CAPN5: variants seen among roughly 807,000 people sequenced by gnomAD.
CAPN5 encodes the protein calpain-5.
Under a neutral mutation model 73.0 loss-of-function variants are expected in CAPN5, and 54 were observed. The ratio of observed to expected loss-of-function variants is 0.74; its 90% confidence interval spans 0.59 to 0.93. The LOEUF is 0.93. Among genes scored for constraint, CAPN5 ranks in the 40% least tolerant of loss-of-function variants. The pLI, the probability that CAPN5 is intolerant of heterozygous loss-of-function variation, is 0.00. For missense variants in CAPN5, 785 were observed against 882.9 expected (o/e 0.89, Z 1.41); for synonymous variants, 335 against 356.9 (o/e 0.94, Z 0.69).
At chr11:77,091,914 C>A (rs1297832938) in intron 2 of CAPN5, among the ~76,000 whole-genome samples, 6 of 152,192 alleles carry the variant, frequency 3.9e-5, no homozygotes, top group Admixed American at 3.9e-4. Flanking sequence ...TACACTGATT[C>A]CTCCTCGCAA....
chr11:77,078,877 AGT>A (rs1555034248), intron 1 of CAPN5, among the ~76,000 whole-genome samples: 1 of 151,986 alleles, frequency 6.6e-6, no homozygotes, highest in African/African-American at 2.4e-5. Context: ...TCTTTTGAGT[AGT>A]GTGTTGTTAG....
In CAPN5 at chr11:77,119,103, G is replaced by A. The variant is rs368150644; in HGVS notation, c.1241G>A (p.Arg414His). Residue 414 changes from arginine (R) to histidine (H), a missense_variant, in exon 9 of 13, where the codon CGC (arginine) becomes CAC (histidine). Transcript: ENST00000648180. ...CIQQRPKRST[R>H]REGKGENLAI... ...CAGCAGCGGCCAAAGCGGTCTACGC[G>A]CCGGGAGGGCAAGGGTGAGAACCTG... 19 of 1,613,828 alleles carry A rather than the reference G, an allele frequency of 1.2e-5. No homozygotes were observed. Among genetic ancestry groups the A allele is most frequent in the South Asian group, 7.7e-5 (7 of 91,008 alleles).
chr11:77,084,958 G>A lies in CAPN5; in HGVS notation c.72G>A (p.Lys24=), dbSNP rs782682809. The A allele has an allele frequency of 1.9e-6, 3 of 1,613,774 alleles. No homozygotes were observed. The highest frequency in any genetic ancestry group is 1.7e-5 in the Admixed American group (1 of 60,026). ...TGAGGCGGGACTGCCGGCGCAGGAAGGTGCTCTTCGAGGACCCCCTCTTCC... is the reference window on the plus strand; with the variant it reads ...TGAGGCGGGACTGCCGGCGCAGGAAAGTGCTCTTCGAGGACCCCCTCTTCC... ...SALRRDCRRR[K]VLFEDPLFPA... The change falls in exon 2 of 13, where the codon AAG becomes AAA. Residue 24 remains lysine (K), a synonymous_variant. Transcript: ENST00000648180.
Position 77,118,116 on chromosome 11 carries a change from G to GTGTGGGGAGT in CAPN5, c.972-34_972-33insAGTTGTGGGG, listed in dbSNP as rs781903773. 7.0e-6 allele frequency: 11 copies of GTGTGGGGAGT among 1,566,850 alleles called. No homozygotes were observed. The Admixed American group carries it at 1.7e-4, about 25-fold the overall frequency. On this transcript the variant is annotated intron_variant, in intron 7 of 12. Transcript: ENST00000648180. ...GCTGGGGGGCCAAGAGCCTGGGGAG[G>GTGTGGGGAGT]TGTGGGGGAGGTACCCTGCTCAGCC...
intron 1 of CAPN5, among the ~76,000 whole-genome samples, chr11:77,070,217 T>G (rs1555032801): frequency 6.6e-6 from 1 of 152,180 alleles, no homozygotes; most frequent in East Asian, 1.9e-4. Context: ...GGGTGTGTGC[T>G]GTGGTTTTCT....
At chr11:77,109,317 A>C (rs1437532692) in intron 3 of CAPN5, among the ~76,000 whole-genome samples, 1 of 151,994 alleles carries the variant, frequency 6.6e-6, no homozygotes, top group Non-Finnish European at 1.5e-5. Flanking sequence ...TCCATCTACT[A>C]TTTGGTTACC....
intron 3 of CAPN5, among the ~76,000 whole-genome samples, chr11:77,107,937 G>T (rs1341531629): frequency 6.6e-6 from 1 of 152,198 alleles, no homozygotes; most frequent in African/African-American, 2.4e-5. Context: ...CCTCATGTGT[G>T]CACAGCTCTC....
chr11:77,094,715 T>C (rs1273768520), intron 3 of CAPN5, among the ~76,000 whole-genome samples: 1 of 152,172 alleles, frequency 6.6e-6, no homozygotes, highest in East Asian at 1.9e-4. Flanking sequence ...GGCCTCAGGT[T>C]ACTCATCAGC....
intron 1 of CAPN5, among the ~76,000 whole-genome samples, chr11:77,067,622 G>C (rs1339769616): frequency 2.9e-5 from 3 of 105,102 alleles, no homozygotes; most frequent in African/African-American, 8.4e-5. Flanking sequence ...TTGACTGCAG[G>C]GCGGGCGCAC....
chr11:77,076,332 G>C (rs1180884207), intron 1 of CAPN5, among the ~76,000 whole-genome samples: 9 of 152,204 alleles, frequency 5.9e-5, no homozygotes, highest in African/African-American at 2.2e-4. Context: ...TCCAGCCTGG[G>C]CAACAGAGTG....
chr11:77,088,584 C>G (rs564833557), intron 2 of CAPN5, among the ~76,000 whole-genome samples: 6 of 152,230 alleles, frequency 3.9e-5, no homozygotes, highest in African/African-American at 1.4e-4. Context: ...TTTCCAGTCC[C>G]AGATGGAAGT....
intron 2 of CAPN5, among the ~76,000 whole-genome samples, chr11:77,091,140 G>C (rs1950145027): frequency 6.6e-6 from 1 of 152,208 alleles, no homozygotes; most frequent in African/African-American, 2.4e-5. Context: ...AGAGGGGACA[G>C]CAGGGTCCCC....
At chr11:77,092,568 T>G (rs547039445) in intron 2 of CAPN5, among the ~76,000 whole-genome samples, 18 of 152,388 alleles carry the variant, frequency 1.2e-4, no homozygotes, top group Admixed American at 3.9e-4. Context: ...GGGCTGAGCC[T>G]GAGAGCAGCC....
At chr11:77,068,776 G>A (rs1949872291) in intron 1 of CAPN5, among the ~76,000 whole-genome samples, 1 of 152,078 alleles carries the variant, frequency 6.6e-6, no homozygotes, top group South Asian at 2.1e-4. Flanking sequence ...GGTGCTGGGG[G>A]CAGGAGGTGC....
intron 2 of CAPN5, among the ~76,000 whole-genome samples, chr11:77,085,336 G>C (rs1296564237): frequency 1.3e-5 from 2 of 152,164 alleles, no homozygotes; most frequent in Non-Finnish European, 2.9e-5. Flanking sequence ...GCCCCGCTGA[G>C]GGTCATTTTT....
At chr11:77,071,130 C>T (rs1314599818) in intron 1 of CAPN5, among the ~76,000 whole-genome samples, 1 of 152,152 alleles carries the variant, frequency 6.6e-6, no homozygotes, top group Non-Finnish European at 1.5e-5. Context: ...TTCCCAGCTC[C>T]CGCCCCCACC....
intron 3 of CAPN5, among the ~76,000 whole-genome samples, chr11:77,094,047 T>C (rs918501024): frequency 4.6e-5 from 7 of 152,260 alleles, no homozygotes; most frequent in Non-Finnish European, 1.0e-4. Flanking sequence ...AAGGTCATTC[T>C]GATGTGTCCC....
At chr11:77,118,501 G>A in intron 8 of CAPN5, 149 bp downstream of exon 8, 1 of 653,530 alleles carries the variant, frequency 1.5e-6, no homozygotes, top group Non-Finnish European at 2.6e-6. Flanking sequence ...GGTTAGATGG[G>A]CACATCCGTC....
chr11:77,081,657 C>A (rs936971145), intron 1 of CAPN5, among the ~76,000 whole-genome samples: 4 of 152,168 alleles, frequency 2.6e-5, no homozygotes, highest in African/African-American at 7.2e-5. Context: ...TGAGGTAATG[C>A]GGCCTGCTCA....
Sources: allele counts gnomAD v4.1 joint callset (sites outside exome capture counted in the v4.1 genomes callset), GRCh38; gene constraint gnomAD v4.1.1; transcripts MANE v1.5; gene names NCBI Gene and HGNC (gene_info 2026-07-23, HGNC 2026-07-21).